PTPRD: variants seen among roughly 807,000 people sequenced by gnomAD.
PTPRD encodes the protein receptor-type tyrosine-protein phosphatase delta.
In PTPRD, 34 loss-of-function variants were observed where a neutral mutation model predicts 214.5. That is an observed-to-expected ratio of 0.16 (90% CI 0.12 to 0.21). The LOEUF (loss-of-function observed/expected upper bound fraction) is 0.21, where lower values mean the gene tolerates loss of function less well. Among genes scored for constraint, PTPRD ranks in the 10% least tolerant of loss-of-function variants. The probability of loss-of-function intolerance (pLI) is 1.00; values close to 1 mark genes in which losing one functional copy is unlikely to be tolerated. For missense variants in PTPRD, 2,545 were observed against 2,398.7 expected (o/e 1.06, Z -1.27); for synonymous variants, 1,128 against 845.7 (o/e 1.33, Z -5.79).
intron 9 of PTPRD, among the ~76,000 whole-genome samples, chr9:9,216,889 G>C (rs369668063): frequency 5.9e-5 from 9 of 151,826 alleles, no homozygotes; most frequent in East Asian, 1.9e-4. Flanking sequence ...AATGACTTTT[G>C]GTTACCAACA....
chr9:9,372,073 A>G (rs185209585), intron 9 of PTPRD, among the ~76,000 whole-genome samples: 2 of 152,242 alleles, frequency 1.3e-5, no homozygotes, highest in Non-Finnish European at 2.9e-5. Flanking sequence ...GTGGTGCTGA[A>G]AAGAATGTAT....
At chr9:9,645,392 G>A (rs938886745) in intron 7 of PTPRD, among the ~76,000 whole-genome samples, 2 of 151,322 alleles carry the variant, frequency 1.3e-5, no homozygotes, top group African/African-American at 4.8e-5. Context: ...TGTTTGGGAA[G>A]ACTAATATAA....
intron 9 of PTPRD, among the ~76,000 whole-genome samples, chr9:9,273,923 T>A (rs751478802): frequency 6.6e-6 from 1 of 151,328 alleles, no homozygotes; most frequent in Non-Finnish European, 1.5e-5. Flanking sequence ...GGAAATTTCA[T>A]AGACTTCAAT....
Position 10,314,458 on chromosome 9 carries a change from C to A in PTPRD, c.-545+26505G>T, listed in dbSNP as rs145497918. ...CAAGTAAACAAATAAGAATCAGGAA[C>A]TCCTGAGTAGGCAGTGGACGATGAG... On this transcript the variant is annotated intron_variant, in intron 3 of 45. Transcript: ENST00000381196. 1.6e-3 allele frequency among the ~76,000 whole-genome samples: 247 copies of A among 151,976 alleles called. 1 individual carries two copies. Among genetic ancestry groups the A allele is most frequent in the African/African-American group, 5.9e-3 (243 of 41,532 alleles).
At chr9:8,318,264 T>C (rs2130518488) in intron 45 of PTPRD, among the ~76,000 whole-genome samples, 1 of 152,182 alleles carries the variant, frequency 6.6e-6, no homozygotes, top group African/African-American at 2.4e-5. Flanking sequence ...ACACATAAAC[T>C]TCTTACATGC....
At chr9:9,775,543 A>G (rs1170274134) in intron 5 of PTPRD, among the ~76,000 whole-genome samples, 2 of 152,214 alleles carry the variant, frequency 1.3e-5, no homozygotes, top group Non-Finnish European at 2.9e-5. Flanking sequence ...GTAGTAGATA[A>G]AAGATTCATG....
chr9:10,320,978 G>A (rs2096542782), intron 3 of PTPRD, among the ~76,000 whole-genome samples: 1 of 151,798 alleles, frequency 6.6e-6, no homozygotes, highest in East Asian at 1.9e-4. Context: ...TCCGACCTTG[G>A]CCTCCTAAAG....
intron 3 of PTPRD, among the ~76,000 whole-genome samples, chr9:10,110,507 CAGAGAG>C (rs2154231808): frequency 6.6e-6 from 1 of 152,088 alleles, no homozygotes; most frequent in African/African-American, 2.4e-5. Context: ...AAGTGAATCA[CAGAGAG>C]AAAGAATTTG....
chr9:10,609,930 A>T (rs979744), intron 2 of PTPRD, among the ~76,000 whole-genome samples: 39,350 of 152,018 alleles, frequency 0.26, 5,392 homozygotes, highest in Admixed American at 0.3. Context: ...ACAGCAACTG[A>T]AAGCAAATGC....
intron 9 of PTPRD, among the ~76,000 whole-genome samples, chr9:9,385,231 T>C (rs1406605183): frequency 6.6e-6 from 1 of 152,166 alleles, no homozygotes; most frequent in African/African-American, 2.4e-5. Context: ...CTATATTCAT[T>C]TGGACTTTCA....
chr9:9,630,160 G>T (rs1432874900), intron 7 of PTPRD, among the ~76,000 whole-genome samples: 1 of 152,186 alleles, frequency 6.6e-6, no homozygotes. Flanking sequence ...TACTGGCCAG[G>T]TCTTTTACAG....
At chr9:8,769,560 T>C (rs2095038972) in intron 11 of PTPRD, among the ~76,000 whole-genome samples, 2 of 152,078 alleles carry the variant, frequency 1.3e-5, no homozygotes, top group South Asian at 4.1e-4. Flanking sequence ...AAACTTAATG[T>C]GATAAATGAA....
intron 35 of PTPRD, 94 bp from the exon 36 acceptor site, chr9:8,404,754 GA>G: frequency 1.4e-6 from 2 of 1,400,500 alleles, no homozygotes; most frequent in Non-Finnish European, 9.5e-7. Context: ...GATTTAAAAG[GA>G]AAATTCTGAA....
At chr9:10,131,636 T>C (rs1052063197) in intron 3 of PTPRD, among the ~76,000 whole-genome samples, 3 of 152,142 alleles carry the variant, frequency 2.0e-5, no homozygotes, top group South Asian at 2.1e-4. Context: ...TGAAGGAAGA[T>C]GTAAGCTATT....
chr9:8,686,448 CA>C (rs775689586), intron 12 of PTPRD, among the ~76,000 whole-genome samples: 4 of 152,174 alleles, frequency 2.6e-5, no homozygotes, highest in Non-Finnish European at 5.9e-5. Context: ...GAAGAATTAA[CA>C]CATGTTCTAA....
intron 33 of PTPRD, among the ~76,000 whole-genome samples, chr9:8,458,501 G>GT (rs2096279361): frequency 6.6e-6 from 1 of 152,032 alleles, no homozygotes; most frequent in African/African-American, 2.4e-5. Context: ...ACAATCCCTT[G>GT]TTTTTTGACC....
intron 5 of PTPRD, among the ~76,000 whole-genome samples, chr9:9,923,768 T>G (rs1281462460): frequency 6.6e-6 from 1 of 151,910 alleles, no homozygotes; most frequent in East Asian, 1.9e-4. Flanking sequence ...CTAAAATGTA[T>G]ACTTCTCATG....
At chr9:9,915,235 C>T (rs564028206) in intron 5 of PTPRD, among the ~76,000 whole-genome samples, 1 of 152,226 alleles carries the variant, frequency 6.6e-6, no homozygotes, top group South Asian at 2.1e-4. Flanking sequence ...ATGAACATAT[C>T]TTTCCATATG....
chr9:10,604,130 T>C lies in PTPRD; in HGVS notation c.-600+8268A>G, dbSNP rs1394437896. 3.3e-5 allele frequency among the ~76,000 whole-genome samples: 5 copies of C among 151,638 alleles called. 1 individual carries two copies. The highest frequency in any genetic ancestry group is 2.6e-4 in the Admixed American group (4 of 15,176). On this transcript the variant is annotated intron_variant, in intron 2 of 45. Transcript: ENST00000381196. ...AAATAGGAAGAGAACTGATGAGTAATGGAGGAAAGAAAAGCCTGCCATGGT... is the reference window on the plus strand; with the variant it reads ...AAATAGGAAGAGAACTGATGAGTAACGGAGGAAAGAAAAGCCTGCCATGGT...
Sources: allele counts gnomAD v4.1 joint callset (sites outside exome capture counted in the v4.1 genomes callset), GRCh38; gene constraint gnomAD v4.1.1; transcripts MANE v1.5; gene names NCBI Gene and HGNC (gene_info 2026-07-23, HGNC 2026-07-21).